The following CDYL2 variants were observed in gnomAD, a reference collection of about 807,000 sequenced individuals.
CDYL2 encodes the protein chromodomain Y like 2.
A neutral mutation model predicts 49.4 loss-of-function variants in CDYL2; 23 were observed. The ratio of observed to expected loss-of-function variants is 0.47; its 90% confidence interval spans 0.34 to 0.66. CDYL2 has a LOEUF of 0.66. CDYL2 is among the 30% of genes least tolerant of loss of function. The pLI, the probability that CDYL2 is intolerant of heterozygous loss-of-function variation, is 0.01. For synonymous variants in CDYL2, 360 were observed against 268.8 expected, an observed-to-expected ratio of 1.34 and a Z score of -3.32; for missense variants, 678 against 656.4, an observed-to-expected ratio of 1.03 and a Z score of -0.36.
In CDYL2 at chr16:80,705,585, G is replaced by C. The variant is rs191337587; in HGVS notation, c.25-20456C>G. ...CAACAAAGATCTGTTGCAGGCCTTTGTGCTATTATGAATATTTTCCACATT... is the reference window on the plus strand; with the variant it reads ...CAACAAAGATCTGTTGCAGGCCTTTCTGCTATTATGAATATTTTCCACATT... On this transcript the variant is annotated intron_variant, in intron 1 of 6. Transcript: ENST00000570137. Among the ~76,000 whole-genome samples the C allele has an allele frequency of 1.2e-3, 187 of 152,386 alleles. 1 individual carries two copies. The highest frequency in any genetic ancestry group is 1.1e-3 in the Non-Finnish European group (74 of 68,038).
intron 1 of CDYL2, among the ~76,000 whole-genome samples, chr16:80,695,425 G>C (rs945386948): frequency 6.6e-6 from 1 of 152,152 alleles, no homozygotes; most frequent in African/African-American, 2.4e-5. Context: ...AATGTAAATG[G>C]ATTAAATTTC....
intron 1 of CDYL2, among the ~76,000 whole-genome samples, chr16:80,775,216 ATATAT>A (rs976287169): frequency 8.6e-5 from 13 of 151,790 alleles, no homozygotes; most frequent in Non-Finnish European, 1.8e-4. Context: ...ATATATAAAA[ATATAT>A]TATAAGTGAA....
At chr16:80,723,938 G>T (rs181634383) in intron 1 of CDYL2, among the ~76,000 whole-genome samples, 7 of 149,120 alleles carry the variant, frequency 4.7e-5, no homozygotes, top group Admixed American at 4.0e-4. Context: ...GAGAAGAAGA[G>T]GAAGAGGAGA....
intron 1 of CDYL2, among the ~76,000 whole-genome samples, chr16:80,690,370 ACTAGCAGG>A (rs1910367808): frequency 6.6e-6 from 1 of 152,122 alleles, no homozygotes; most frequent in Non-Finnish European, 1.5e-5. Flanking sequence ...CAGCCTTTCC[ACTAGCAGG>A]CTGATAACAT....
chr16:80,611,883 A>T (rs1906613089), intron 5 of CDYL2, among the ~76,000 whole-genome samples: 2 of 152,212 alleles, frequency 1.3e-5, no homozygotes, highest in Non-Finnish European at 2.9e-5. Flanking sequence ...CACAGCTTAC[A>T]GTGGACTCCG....
At chr16:80,792,078 GA>G (rs1164205074) in intron 1 of CDYL2, among the ~76,000 whole-genome samples, 4 of 152,186 alleles carry the variant, frequency 2.6e-5, no homozygotes, top group Non-Finnish European at 5.9e-5. Flanking sequence ...TCTACCTTGG[GA>G]ACAGGTGGAT....
At chr16:80,759,375 G>T (rs1398733310) in intron 1 of CDYL2, among the ~76,000 whole-genome samples, 1 of 151,928 alleles carries the variant, frequency 6.6e-6, no homozygotes, top group Non-Finnish European at 1.5e-5. Flanking sequence ...AATGTGCACA[G>T]AAAGTCTAGT....
chr16:80,655,072 G>A lies in CDYL2; in HGVS notation c.617-21836C>T, dbSNP rs542754928. ...GAGCTGCTTTTGGTGGGCGCAGGGT[G>A]TCACCAGATGCCCAGAGCCTGGGGA... On this transcript the variant is annotated intron_variant, in intron 2 of 6. Transcript: ENST00000570137. Among the ~76,000 whole-genome samples the A allele has an allele frequency of 2.4e-4, 36 of 152,312 alleles. No individual in the cohort carries two copies. The South Asian group carries it at 7.3e-3, about 31-fold the overall frequency.
chr16:80,742,643 TGGA>T (rs374421406), intron 1 of CDYL2, among the ~76,000 whole-genome samples: 62 of 151,100 alleles, frequency 4.1e-4, no homozygotes, highest in African/African-American at 1.3e-3. Flanking sequence ...GATGGATGGA[TGGA>T]GGATAGATAG....
intron 1 of CDYL2, among the ~76,000 whole-genome samples, chr16:80,743,629 T>C (rs1490177523): frequency 6.6e-6 from 1 of 152,248 alleles, no homozygotes; most frequent in Non-Finnish European, 1.5e-5. Context: ...TAATTTGTTG[T>C]CATCTTAATG....
intron 1 of CDYL2, among the ~76,000 whole-genome samples, chr16:80,797,916 T>A (rs372919177): frequency 6.6e-6 from 1 of 152,242 alleles, no homozygotes; most frequent in Non-Finnish European, 1.5e-5. Flanking sequence ...AATCTGGGAA[T>A]ATGTATCAAC....
chr16:80,612,818 A>G lies in CDYL2; in HGVS notation c.1026T>C (p.Phe342=). The part of the protein sequence containing the change: ...AEAIRDFVKA[F]IQFKKPIVVA... ...CCACGATAGGCTTCTTAAACTGGAT[A>G]AAGGCCTTCACAAAGTCCCTGGGAG... Residue 342 remains phenylalanine (F), a synonymous_variant, in exon 5 of 7, where the codon TTT becomes TTC. Transcript: ENST00000570137. The surrounding 1 kb of genome is among the most constrained non-coding windows in gnomAD (Gnocchi z 5.0). The G allele has an allele frequency of 2.5e-6, 4 of 1,612,456 alleles. No individual in the cohort carries two copies. The highest frequency in any genetic ancestry group is 3.4e-6 in the Non-Finnish European group (4 of 1,179,150).
At chr16:80,799,369 T>C (rs899036149) in intron 1 of CDYL2, among the ~76,000 whole-genome samples, 1 of 152,144 alleles carries the variant, frequency 6.6e-6, no homozygotes, top group African/African-American at 2.4e-5. Flanking sequence ...CACTGTACCG[T>C]AAAATACTTG....
intron 1 of CDYL2, among the ~76,000 whole-genome samples, chr16:80,769,472 G>C (rs77918041): frequency 0.087 from 13,237 of 152,178 alleles, 629 homozygotes; most frequent in African/African-American, 0.1. Context: ...AATAAAAGAA[G>C]AGTTACTCTA....
At chr16:80,722,307 T>C (rs1011099) in intron 1 of CDYL2, among the ~76,000 whole-genome samples, 1 of 152,156 alleles carries the variant, frequency 6.6e-6, no homozygotes, top group Non-Finnish European at 1.5e-5. Flanking sequence ...CACCAAGACA[T>C]GTGAAAGCTC....
intron 3 of CDYL2, among the ~76,000 whole-genome samples, chr16:80,630,205 T>C (rs1482226405): frequency 2.6e-5 from 4 of 152,196 alleles, no homozygotes; most frequent in African/African-American, 9.6e-5. Flanking sequence ...ATCAATAACT[T>C]TGACTGTTTT....
At chr16:80,633,356 T>A in intron 2 of CDYL2, 120 bp from the exon 3 acceptor site, 1 of 941,222 alleles carries the variant, frequency 1.1e-6, no homozygotes, top group Non-Finnish European at 1.6e-6. Context: ...CACACCACCT[T>A]CTCCCCTGTG....
intron 1 of CDYL2, among the ~76,000 whole-genome samples, chr16:80,725,771 G>C (rs765596516): frequency 2.6e-5 from 4 of 152,236 alleles, no homozygotes; most frequent in Non-Finnish European, 5.9e-5. Context: ...ACGCGCTTTA[G>C]CAACAAGCAC....
rs2142476311 is a variant in CDYL2 at position 80,684,932 on chromosome 16, G to A, written c.222C>T (p.Thr74=). The A allele has an allele frequency of 1.9e-6, 3 of 1,613,756 alleles. No homozygotes were observed. The highest frequency in any genetic ancestry group is 2.2e-5 in the East Asian group (1 of 44,884). The change falls in exon 2 of 7, where the codon ACC becomes ACT. Residue 74 remains threonine, a synonymous_variant. Coordinates refer to ENST00000570137, the MANE Select transcript of CDYL2 (RefSeq NM_152342.4). The stretch of plus-strand genomic sequence containing the variant: ...CTCGACTGTCACGCAGCAGCTTGGA[G>A]GTACTGGACTGCTTCCCTGACTTGA... ...KRIKSGKQSS[T]SKLLRDSRGP...
Sources: allele counts gnomAD v4.1 joint callset (sites outside exome capture counted in the v4.1 genomes callset), GRCh38; gene constraint gnomAD v4.1.1; non-coding constraint Gnocchi (gnomAD v3.1); transcripts MANE v1.5; gene names NCBI Gene and HGNC (gene_info 2026-07-23, HGNC 2026-07-21).